VAT1L: variants seen among roughly 807,000 people sequenced by gnomAD.
VAT1L encodes putative NADPH-dependent quinone oxidoreductase VAT1L.
In VAT1L, 34 loss-of-function variants were observed where a neutral mutation model predicts 44.1. That is an observed-to-expected ratio of 0.77 (90% CI 0.59 to 1.03). VAT1L has a LOEUF of 1.03. Ranked by LOEUF, VAT1L falls within the 50% of genes least tolerant of loss-of-function variation. VAT1L has a pLI of 0.00. For synonymous variants in VAT1L, 253 were observed against 202.2 expected (o/e 1.25, Z -2.13); for missense variants, 615 against 538.8 (o/e 1.14, Z -1.40).
intron 7 of VAT1L, among the ~76,000 whole-genome samples, chr16:77,911,066 A>C (rs1356443857): frequency 6.6e-6 from 1 of 152,214 alleles, no homozygotes; most frequent in East Asian, 1.9e-4. Flanking sequence ...ATCATCCCAC[A>C]GGCAGGGACC....
chr16:77,822,313 T>C (rs1359801185), intron 2 of VAT1L, among the ~76,000 whole-genome samples: 1 of 152,100 alleles, frequency 6.6e-6, no homozygotes, highest in African/African-American at 2.4e-5. Context: ...TTTGTATTTT[T>C]AGTAGAGACG....
At chr16:77,947,687 T>C (rs1177560828) in intron 7 of VAT1L, among the ~76,000 whole-genome samples, 1 of 152,194 alleles carries the variant, frequency 6.6e-6, no homozygotes, top group Non-Finnish European at 1.5e-5. Flanking sequence ...GAATGAGCAA[T>C]GCATTCAGTC....
At chr16:77,803,078 C>G (rs182039705) in intron 1 of VAT1L, among the ~76,000 whole-genome samples, 1 of 152,148 alleles carries the variant, frequency 6.6e-6, no homozygotes, top group Non-Finnish European at 1.5e-5. Context: ...TTTAATGTGC[C>G]CTGTGCTAAG....
intron 7 of VAT1L, among the ~76,000 whole-genome samples, chr16:77,914,363 C>T (rs144943946): frequency 6.6e-6 from 1 of 152,296 alleles, no homozygotes; most frequent in African/African-American, 2.4e-5. Context: ...TATAAAATAG[C>T]ATTACCATGC....
At chr16:77,907,218 C>T (rs1360033199) in intron 7 of VAT1L, among the ~76,000 whole-genome samples, 1 of 152,170 alleles carries the variant, frequency 6.6e-6, no homozygotes, top group African/African-American at 2.4e-5. Context: ...TGTGCACAAT[C>T]AGCTATCGGA....
intron 7 of VAT1L, among the ~76,000 whole-genome samples, chr16:77,916,236 AC>A (rs897650604): frequency 2.0e-5 from 3 of 152,088 alleles, no homozygotes; most frequent in Admixed American, 1.3e-4. Context: ...AACAGTGGGG[AC>A]TCACTGTGTG....
At chr16:77,832,744 C>T (rs1411668532) in intron 3 of VAT1L, among the ~76,000 whole-genome samples, 3 of 152,138 alleles carry the variant, frequency 2.0e-5, no homozygotes, top group Non-Finnish European at 4.4e-5. Flanking sequence ...AAAGGATAAA[C>T]CACACAAGGG....
chr16:77,924,049 T>C lies in VAT1L; in HGVS notation c.1077+39247T>C, dbSNP rs113778925. Among the ~76,000 whole-genome samples the C allele has an allele frequency of 5.2e-3, 793 of 152,174 alleles. 12 individuals are homozygous for C. The highest frequency in any genetic ancestry group is 0.018 in the African/African-American group (763 of 41,508). On this transcript the variant is annotated intron_variant, in intron 7 of 8. Transcript: ENST00000302536. Reference sequence around the variant, plus strand: ...CATCCCCACTGGTTCTTACCAGCTGTGAGACACTGAGCAACTGATTCAACA... The same window carrying C: ...CATCCCCACTGGTTCTTACCAGCTGCGAGACACTGAGCAACTGATTCAACA...
chr16:77,932,893 G>C (rs562055082), intron 7 of VAT1L, among the ~76,000 whole-genome samples: 1 of 152,300 alleles, frequency 6.6e-6, no homozygotes, highest in South Asian at 2.1e-4. Context: ...AGAATGAATG[G>C]TAGGATTCAA....
At chr16:77,898,651 G>T (rs970738564) in intron 7 of VAT1L, among the ~76,000 whole-genome samples, 1 of 118,226 alleles carries the variant, frequency 8.5e-6, no homozygotes, top group Non-Finnish European at 1.6e-5. Context: ...GTACGAGCCA[G>T]CCTCTGTTAC....
At chr16:77,976,550 A>G (rs444846) in intron 8 of VAT1L, among the ~76,000 whole-genome samples, 131,789 of 152,064 alleles carry the variant, frequency 0.87, 57,754 homozygotes, top group East Asian at 0.96. Context: ...GAAGCAGCCA[A>G]GGACTCAAGT....
chr16:77,883,659 C>A (rs983235081), intron 6 of VAT1L, among the ~76,000 whole-genome samples: 1 of 152,184 alleles, frequency 6.6e-6, no homozygotes, highest in African/African-American at 2.4e-5. Context: ...CAAACAATAT[C>A]AAATGCCTTC....
chr16:77,824,840 C>T (rs931294676), intron 2 of VAT1L, among the ~76,000 whole-genome samples: 4 of 148,948 alleles, frequency 2.7e-5, no homozygotes, highest in South Asian at 4.2e-4. Context: ...TGTGTTTGTA[C>T]CGTGGATAGC....
At chr16:77,839,201 T>G (rs2016674871) in intron 3 of VAT1L, among the ~76,000 whole-genome samples, 2 of 149,636 alleles carry the variant, frequency 1.3e-5, no homozygotes, top group African/African-American at 2.5e-5. Context: ...GAATGAGAGG[T>G]GAAGGGAATG....
At chr16:77,831,146 C>T (rs142740724) in intron 3 of VAT1L, among the ~76,000 whole-genome samples, 155 of 152,288 alleles carry the variant, frequency 1.0e-3, no homozygotes, top group African/African-American at 3.7e-3. Context: ...AAACCTGAAT[C>T]CAGTCTTCAG....
intron 6 of VAT1L, among the ~76,000 whole-genome samples, chr16:77,883,277 G>A (rs1339214537): frequency 6.6e-6 from 1 of 152,098 alleles, no homozygotes; most frequent in African/African-American, 2.4e-5. Flanking sequence ...TGGACGCTTG[G>A]ATTTCTAACC....
chr16:77,826,979 A>C (rs1431884645), intron 3 of VAT1L, among the ~76,000 whole-genome samples: 2 of 151,994 alleles, frequency 1.3e-5, no homozygotes, highest in South Asian at 2.1e-4. Context: ...AACTATTAAA[A>C]CTCTATATAG....
intron 7 of VAT1L, among the ~76,000 whole-genome samples, chr16:77,908,323 G>A (rs934894246): frequency 4.6e-5 from 7 of 151,744 alleles, no homozygotes; most frequent in Admixed American, 2.0e-4. Flanking sequence ...TTAGCCACAC[G>A]TGGTGGTGAG....
In VAT1L at chr16:77,810,817, T is replaced by A. The variant is rs534979679; in HGVS notation, c.234-6104T>A. Among the ~76,000 whole-genome samples, 4 of 152,294 alleles carry A rather than the reference T, an allele frequency of 2.6e-5. No individual in the cohort carries two copies. In the East Asian group the frequency reaches 7.7e-4, roughly 29 times the overall value. The stretch of plus-strand genomic sequence containing the variant: ...ATAAAGCCAATCCTTGTGCTGAGAT[T>A]TGAGGAAAAAGTACTGTCTTCATAA... On this transcript the variant is annotated intron_variant, in intron 1 of 8. Coordinates refer to ENST00000302536, the MANE Select transcript of VAT1L (RefSeq NM_020927.3).
Sources: gnomAD v4.1 joint callset for allele counts (sites outside exome capture counted in the v4.1 genomes callset) on GRCh38, gnomAD v4.1.1 for gene constraint, MANE v1.5 for transcripts, NCBI Gene and HGNC (gene_info 2026-07-23, HGNC 2026-07-21) for gene names.